Variants in RBL1 observed in about 807,000 individuals in gnomAD.
The protein encoded by RBL1 is retinoblastoma-like protein 1.
In RBL1, 82 loss-of-function variants were observed where a neutral mutation model predicts 123.0. The observed-to-expected ratio is 0.67, with a 90% confidence interval of 0.56 to 0.80. The LOEUF (loss-of-function observed/expected upper bound fraction) is 0.80. RBL1 is among the 30% of genes least tolerant of loss of function. RBL1 has a pLI of 0.00. For missense variants in RBL1, 1,171 were observed against 1,299.6 expected (o/e 0.90, Z 1.52); for synonymous variants, 405 against 441.3 (o/e 0.92, Z 1.03).
chr20:37,082,193 C>T (rs1487614481), intron 2 of RBL1, among the ~76,000 whole-genome samples: 2 of 152,102 alleles, frequency 1.3e-5, no homozygotes, highest in Non-Finnish European at 2.9e-5. Flanking sequence ...TTCTCCTCCT[C>T]AGGTTGGGGC....
At chr20:37,003,968 T>C (rs2064028998) in intron 20 of RBL1, 102 bp from the exon 21 acceptor site, 1 of 1,071,516 alleles carries the variant, frequency 9.3e-7, no homozygotes, top group African/African-American at 1.6e-5. Context: ...AAAACAGTTA[T>C]ACTGTAAAAA....
At chr20:37,005,002 C>G (rs1261393166) in intron 20 of RBL1, among the ~76,000 whole-genome samples, 2 of 152,064 alleles carry the variant, frequency 1.3e-5, no homozygotes, top group African/African-American at 4.8e-5. Flanking sequence ...GATTATGTCA[C>G]TGCACTCCTC....
Position 37,035,393 on chromosome 20 carries a change from C to G in RBL1, c.2019G>C (p.Lys673Asn). The G allele has an allele frequency of 1.2e-6, 2 of 1,614,116 alleles. No homozygotes were observed. The highest frequency in any genetic ancestry group is 1.7e-6 in the Non-Finnish European group (2 of 1,180,006). Residue 673 changes from lysine to asparagine, a missense_variant, in exon 15 of 22, where the codon AAG becomes AAC. By Grantham distance (94) the Lys-to-Asn change is moderately conservative (BLOSUM62 0). Coordinates refer to ENST00000373664, the MANE Select transcript of RBL1 (RefSeq NM_002895.5). ...TCAATTTTGTTCCTTCTGTTATGAT[C>G]TTGTCCATAAGCATTTCCTTTGGGG... ...EDPPKEMLMD[K>N]IITEGTKLKI...
chr20:37,057,652 G>T (rs1244190500), intron 9 of RBL1, among the ~76,000 whole-genome samples: 1 of 151,768 alleles, frequency 6.6e-6, no homozygotes, highest in African/African-American at 2.4e-5. Flanking sequence ...TCTATAGGTT[G>T]TTTTTTTTAC....
chr20:37,000,438 A>C (rs28653147), intron 21 of RBL1, among the ~76,000 whole-genome samples: 1 of 130,764 alleles, frequency 7.6e-6, no homozygotes, highest in African/African-American at 2.8e-5. Flanking sequence ...CCCTCTGCCC[A>C]GCCAGCTGCC....
intron 16 of RBL1, among the ~76,000 whole-genome samples, chr20:37,032,445 A>T (rs1033576336): frequency 1.3e-5 from 2 of 152,206 alleles, no homozygotes; most frequent in Admixed American, 6.5e-5. Flanking sequence ...GAATTTCAGA[A>T]TGGGAAGACG....
intron 16 of RBL1, among the ~76,000 whole-genome samples, chr20:37,027,221 G>A (rs749759516): frequency 5.3e-5 from 8 of 151,978 alleles, no homozygotes; most frequent in Middle Eastern, 3.4e-3. Flanking sequence ...GGTGGTGCAT[G>A]CCTGTGGTCC....
chr20:37,075,813 C>T (rs1402006943), intron 2 of RBL1, among the ~76,000 whole-genome samples: 1 of 152,172 alleles, frequency 6.6e-6, no homozygotes, highest in African/African-American at 2.4e-5. Context: ...CTTAAAAATG[C>T]TCAAGTCCTT....
chr20:37,003,781 T>C lies in RBL1; in HGVS notation c.2957A>G (p.Tyr986Cys). The C allele has an allele frequency of 1.2e-6, 2 of 1,614,058 alleles. No homozygotes were observed. The highest frequency in any genetic ancestry group is 1.7e-6 in the Non-Finnish European group (2 of 1,179,958). ...TGACCCATTCTTGTGCGGGGAAATATAAATGGAGTGCTGCTGGGAAATGCG... is the reference window on the plus strand; with the variant it reads ...TGACCCATTCTTGTGCGGGGAAATACAAATGGAGTGCTGCTGGGAAATGCG... Reference protein sequence around the residue: ...PRRISQQHSIYISPHKNGSGL... With the variant: ...PRRISQQHSICISPHKNGSGL... Residue 986 changes from tyrosine to cysteine, a missense_variant, in exon 21 of 22, where the codon TAT becomes TGT. By Grantham distance (194) the Tyr-to-Cys change is radical (BLOSUM62 -2). Transcript: ENST00000373664.
chr20:37,060,973 T>C (rs941828968), intron 9 of RBL1, 130 bp downstream of exon 9: 1 of 1,028,876 alleles, frequency 9.7e-7, no homozygotes, highest in African/African-American at 1.6e-5. Context: ...ATTTTGTGAT[T>C]GAAATGGTAT....
intron 2 of RBL1, among the ~76,000 whole-genome samples, chr20:37,073,817 G>C (rs2065320877): frequency 6.6e-6 from 1 of 151,732 alleles, no homozygotes; most frequent in Non-Finnish European, 1.5e-5. Context: ...TGAGGAATTC[G>C]AGATGAGTCT....
intron 1 of RBL1, among the ~76,000 whole-genome samples, chr20:37,095,549 G>A (rs2065721530): frequency 6.6e-6 from 1 of 152,176 alleles, no homozygotes; most frequent in Non-Finnish European, 1.5e-5. Flanking sequence ...GGGTCTGAGC[G>A]GCGCGGGACC....
intron 19 of RBL1, among the ~76,000 whole-genome samples, chr20:37,014,357 A>G (rs2064216607): frequency 6.6e-6 from 1 of 150,760 alleles, no homozygotes; most frequent in Non-Finnish European, 1.5e-5. Flanking sequence ...GGGATTGTAG[A>G]TGTAAGCCAC....
chr20:37,032,969 G>C, intron 15 of RBL1, 93 bp from the exon 16 acceptor site: 1 of 1,467,596 alleles, frequency 6.8e-7, no homozygotes, highest in Non-Finnish European at 9.1e-7. Flanking sequence ...ACATATATCT[G>C]TGTGTATAAG....
At chr20:37,002,712 T>C (rs2064008525) in intron 21 of RBL1, among the ~76,000 whole-genome samples, 1 of 150,084 alleles carries the variant, frequency 6.7e-6, no homozygotes, top group Non-Finnish European at 1.5e-5. Context: ...CTTAGAGTAA[T>C]GATTTTCAAC....
At chr20:37,055,891 A>T (rs1362719967) in intron 10 of RBL1, among the ~76,000 whole-genome samples, 1 of 152,028 alleles carries the variant, frequency 6.6e-6, no homozygotes, top group Non-Finnish European at 1.5e-5. Flanking sequence ...TCTACTAAAC[A>T]TACAAAATTA....
intron 19 of RBL1, among the ~76,000 whole-genome samples, chr20:37,017,819 T>G (rs1216894436): frequency 6.6e-6 from 1 of 152,048 alleles, no homozygotes; most frequent in Admixed American, 6.6e-5. Flanking sequence ...TTTTTTTAAG[T>G]AGAGATGGGG....
At chr20:37,085,466 T>C (rs1243653337) in intron 2 of RBL1, among the ~76,000 whole-genome samples, 1 of 152,038 alleles carries the variant, frequency 6.6e-6, no homozygotes, top group East Asian at 1.9e-4. Flanking sequence ...ATAAGCCTTC[T>C]GTATTATTTA....
chr20:37,044,886 TGC>T (rs1196044033), intron 12 of RBL1, among the ~76,000 whole-genome samples: 1 of 152,166 alleles, frequency 6.6e-6, no homozygotes, highest in Non-Finnish European at 1.5e-5. Context: ...TTGAATGTAT[TGC>T]TCCTTTCCAG....
Sources: gnomAD v4.1 joint callset for allele counts (sites outside exome capture counted in the v4.1 genomes callset) on GRCh38, gnomAD v4.1.1 for gene constraint, MANE v1.5 for transcripts, NCBI Gene and HGNC (gene_info 2026-07-23, HGNC 2026-07-21) for gene names.